The following LAMA5 variants were observed in gnomAD, a reference collection of about 807,000 sequenced individuals.
LAMA5 encodes the protein laminin subunit alpha-5.
A neutral mutation model predicts 433.4 loss-of-function variants in LAMA5; 260 were observed. The ratio of observed to expected loss-of-function variants is 0.60; its 90% CI spans 0.54 to 0.66. The LOEUF is 0.66. LAMA5 is among the 30% of genes least tolerant of loss of function. The probability of loss-of-function intolerance (pLI) is 0.00; values close to 1 mark genes in which losing one functional copy is unlikely to be tolerated. For missense variants in LAMA5, 5,378 were observed against 5,258.5 expected (o/e 1.02, Z -0.70); for synonymous variants, 2,620 against 2,226.6 (o/e 1.18, Z -4.97).
rs1298472826 is a variant in LAMA5 at position 62,331,316 on chromosome 20, T to A, written c.3553-187A>T. On this transcript the variant is annotated intron_variant, in intron 28 of 79. Coordinates refer to ENST00000252999, the MANE Select transcript of LAMA5 (RefSeq NM_005560.6). ...GGGGTGTAGGCGGTACGATGGGGGG[T>A]GCAGGCGGTACGATGGGGGGGCCGG... 3.2e-5 allele frequency among the ~76,000 whole-genome samples: 2 copies of A among 62,850 alleles called. 1 individual carries two copies. The highest frequency in any genetic ancestry group is 5.8e-5 in the Non-Finnish European group (2 of 34,754). The allele number at this position is 62,850 out of a possible 152,430, so 41.2% of individuals were successfully genotyped here.
At chr20:62,336,145 A>C (rs1601366296) in intron 18 of LAMA5, among the ~76,000 whole-genome samples, 195 bp downstream of exon 18, 1 of 115,912 alleles carries the variant, frequency 8.6e-6, no homozygotes, top group African/African-American at 3.5e-5. Flanking sequence ...GGAACCCCGC[A>C]CCCCAACATT....
At chr20:62,319,543 G>A (rs924642361) in intron 51 of LAMA5, 141 bp downstream of exon 51, 5 of 624,362 alleles carry the variant, frequency 8.0e-6, no homozygotes, top group Non-Finnish European at 1.4e-5. Context: ...CTGCCCTACT[G>A]TTCACTCCAG....
At chr20:62,340,442 G>A (rs767548384) in intron 11 of LAMA5, among the ~76,000 whole-genome samples, 1 of 150,704 alleles carries the variant, frequency 6.6e-6, no homozygotes, top group Non-Finnish European at 1.5e-5. Context: ...CTCCCGAGTA[G>A]CTGGGATTAC....
At chr20:62,313,825 G>GCACGGAGAGATGAGGGGTGCC in intron 62 of LAMA5, 23 bp from the exon 63 acceptor site, 2 of 1,610,384 alleles carry the variant, frequency 1.2e-6, no homozygotes, top group Non-Finnish European at 1.7e-6. Context: ...GCGAGGGGTG[G>GCACGGAGAGATGAGGGGTGCC]CGAGTGGGCA....
At chr20:62,333,752 C>T (rs1980969087) in intron 23 of LAMA5, 46 bp from the exon 24 acceptor site, 1 of 1,523,136 alleles carries the variant, frequency 6.6e-7, no homozygotes, top group Non-Finnish European at 8.8e-7. Flanking sequence ...CCCTTGGGGC[C>T]ACCCCAGGCT....
At chr20:62,354,021 A>G (rs1413855824) in intron 2 of LAMA5, among the ~76,000 whole-genome samples, 1 of 151,990 alleles carries the variant, frequency 6.6e-6, no homozygotes, top group African/African-American at 2.4e-5. Flanking sequence ...GGCAGAGGAA[A>G]GCTGCTCCTT....
rs747523733 is a variant in LAMA5, at chr20:62,314,962, A to T, written c.8048-15T>A. ...CAGGGTGGACACTGCAGAGAGGGAG[A>T]CCTGAGACCTTTGCCCCCCACCGTG... On this transcript the variant is annotated splice_polypyrimidine_tract_variant and intron_variant, in intron 59 of 79. Transcript: ENST00000252999. 3 of 1,585,190 alleles carry T rather than the reference A, an allele frequency of 1.9e-6. No individual in the cohort carries two copies. The highest frequency in any genetic ancestry group is 3.4e-5 in the Admixed American group (2 of 58,894).
intron 48 of LAMA5, among the ~76,000 whole-genome samples, chr20:62,321,764 T>TGGAGGGGTGGGGCCAGC (rs1987839438): frequency 4.9e-5 from 1 of 20,368 alleles, no homozygotes; most frequent in Non-Finnish European, 2.1e-4. Flanking sequence ...GTGGGGTCAG[T>TGGAGGGGTGGGGCCAGC]GGGGGAGGAA....
chr20:62,353,261 G>A lies in LAMA5; in HGVS notation c.451-10C>T, dbSNP rs751440866. 14 of 1,579,504 alleles carry A rather than the reference G, an allele frequency of 8.9e-6. No homozygotes were observed. The highest frequency in any genetic ancestry group is 3.5e-5 in the Admixed American group (2 of 56,858). On this transcript the variant is annotated splice_polypyrimidine_tract_variant and intron_variant, in intron 2 of 79. Transcript: ENST00000252999. ...AGGCCACGTGGAAGACCTGTGGGCC[G>A]AGAGGGCGTCAGGGGAGCCAGGGGC... is the stretch of plus-strand genomic sequence containing the variant.
In LAMA5 at chr20:62,320,809, C is replaced by T. The variant is rs139401504; in HGVS notation, c.6578G>A (p.Arg2193His). 1,802 of 1,612,656 alleles carry T rather than the reference C, an allele frequency of 1.1e-3. No homozygotes were observed. The highest frequency in any genetic ancestry group is 1.4e-3 in the Non-Finnish European group (1,633 of 1,179,894). Residue 2193 changes from arginine to histidine, a missense_variant, in exon 49 of 80, where the codon CGT becomes CAT. Arg to His is a conservative substitution (Grantham distance 29). Coordinates refer to ENST00000252999, the MANE Select transcript of LAMA5 (RefSeq NM_005560.6). ...GGCCATGGAGCTGGCATTGATGCCACGCAGTTGCTCGTGAATGGCGGGGAG... is the reference window on the plus strand; with the variant it reads ...GGCCATGGAGCTGGCATTGATGCCATGCAGTTGCTCGTGAATGGCGGGGAG... ...ALLPAIHEQL[R>H]GINASSMAWA...
rs575510156 is a variant in LAMA5 at position 62,362,234 on chromosome 20, T to C, written c.450+166A>G. Among the ~76,000 whole-genome samples the C allele has an allele frequency of 1.1e-4, 17 of 152,316 alleles. No homozygotes were observed. The South Asian group carries it at 3.5e-3, about 32-fold the overall frequency. On this transcript the variant is annotated intron_variant, in intron 2 of 79. Transcript: ENST00000252999. Reference sequence around the variant, plus strand: ...AACAAAAGGTGACCACTGCCGTGCCTTTGTCCCTGTGGGGACTCCCCCCAC... The same window carrying C: ...AACAAAAGGTGACCACTGCCGTGCCCTTGTCCCTGTGGGGACTCCCCCCAC...
At chr20:62,333,035 C>A in intron 26 of LAMA5, 55 bp downstream of exon 26, 2 of 1,425,442 alleles carry the variant, frequency 1.4e-6, no homozygotes, top group Admixed American at 3.1e-5. Context: ...GACCCCCAGC[C>A]CCCAGGCCAA....
chr20:62,317,114 C>G lies in LAMA5; in HGVS notation c.7512-91G>C, dbSNP rs1009697049. On this transcript the variant is annotated intron_variant, in intron 55 of 79. Transcript: ENST00000252999. ...TCCTGCGCTCACAACCAGCCGTGCC[C>G]GTGCCTGCCCGCCAAGTCCCGCCTC... The G allele has an allele frequency of 1.0e-5, 14 of 1,397,888 alleles. No individual in the cohort carries two copies. In the East Asian group the frequency reaches 2.5e-4, roughly 25 times the overall value. 86.6% of individuals were successfully genotyped at this position (1,397,888 alleles called of 1,614,324 possible). A position where few individuals can be genotyped will look rare whatever the true frequency, so the allele number is the denominator to read the frequency against.
rs572286540 is a variant in LAMA5 at position 62,310,713 on chromosome 20, G to A, written c.10398C>T (p.Thr3466=). The A allele has an allele frequency of 1.1e-5, 17 of 1,600,022 alleles. No individual in the cohort carries two copies. The South Asian group carries it at 1.8e-4, about 17-fold the overall frequency. The change falls in exon 75 of 80, where the codon ACC becomes ACT. Residue 3466 remains threonine (T), a synonymous_variant. Transcript: ENST00000252999. ...TGGCCGGGAGGCCGCCCACAAAGAG[G>A]GTGTGGGGCTGGGGGTGCTCTGCCC... ...HQGAEHPQPH[T]LFVGGLPASS...
chr20:62,336,533 G>GTGAGGGC (rs1981663539), intron 17 of LAMA5, 88 bp from the exon 18 acceptor site: 5 of 1,289,612 alleles, frequency 3.9e-6, no homozygotes, highest in Admixed American at 2.0e-5. Context: ...ACAAGGGGTG[G>GTGAGGGC]TGAGGGCTGA....
At chr20:62,311,862 A>G in intron 70 of LAMA5, 58 bp downstream of exon 70, 1 of 1,254,852 alleles carries the variant, frequency 8.0e-7, no homozygotes. Context: ...AGGTCCAGGC[A>G]AGTGCAGGCG....
chr20:62,324,178 G>A lies in LAMA5; in HGVS notation c.5670C>T (p.Ala1890=). 2 of 1,572,942 alleles carry A rather than the reference G, an allele frequency of 1.3e-6. No homozygotes were observed. The highest frequency in any genetic ancestry group is 1.7e-6 in the Non-Finnish European group (2 of 1,169,242). The change falls in exon 43 of 80, where the codon GCC becomes GCT. Residue 1890 remains alanine, a synonymous_variant. Transcript: ENST00000252999. This position sits in a 1 kb window ranked among gnomAD's most constrained non-coding sequence, Gnocchi z 4.4. ...CVDCQHNTEG[A]HCERCQAGFV... ...AGCCAGCCTGGCAGCGCTCACAGTGGGCCCCTTCGGTGTTGTGCTGGCAGT... is the reference window on the plus strand; with the variant it reads ...AGCCAGCCTGGCAGCGCTCACAGTGAGCCCCTTCGGTGTTGTGCTGGCAGT...
rs944497483 is a variant in LAMA5, at chr20:62,333,966, C to T, written c.2813G>A (p.Gly938Glu). The part of the protein sequence containing the change: ...FWLVFRYVNR[G>E]AMSVSGRVSV... ...GACCCGCCCGCTCACACTCATGGCC[C>T]CCCGGTTGACGTATCGGAAGACGAG... Residue 938 changes from glycine to glutamate, a missense_variant, in exon 23 of 80, where the codon GGG becomes GAG. Gly to Glu is a moderately conservative substitution (Grantham distance 98). Transcript: ENST00000252999. 2 of 1,612,752 alleles carry T rather than the reference C, an allele frequency of 1.2e-6. No individual in the cohort carries two copies. Among genetic ancestry groups the T allele is most frequent in the African/African-American group, 1.3e-5 (1 of 74,916 alleles).
intron 6 of LAMA5, among the ~76,000 whole-genome samples, chr20:62,349,677 A>G (rs202036857): frequency 7.5e-4 from 3 of 3,986 alleles, no homozygotes; most frequent in Non-Finnish European, 1.6e-3. Flanking sequence ...GGTGGGGGTG[A>G]TGGGGGTGAT....
Sources: gnomAD v4.1 joint callset for allele counts (sites outside exome capture counted in the v4.1 genomes callset) on GRCh38, gnomAD v4.1.1 for gene constraint, Gnocchi (gnomAD v3.1) non-coding constraint, MANE v1.5 for transcripts, NCBI Gene and HGNC (gene_info 2026-07-23, HGNC 2026-07-21) for gene names.